TNRC6A: variants seen among roughly 807,000 people sequenced by gnomAD.
The protein encoded by TNRC6A is trinucleotide repeat-containing gene 6A protein.
Under a neutral mutation model 221.2 loss-of-function variants are expected in TNRC6A, and 44 were observed. The ratio of observed to expected loss-of-function variants is 0.20; its 90% confidence interval spans 0.16 to 0.26. The LOEUF is 0.26. Ranked by LOEUF, TNRC6A falls within the 10% of genes least tolerant of loss-of-function variation. The pLI is 1.00. For missense variants in TNRC6A, 2,199 were observed against 2,404.4 expected (o/e 0.91, Z 1.79); for synonymous variants, 847 against 838.5 (o/e 1.01, Z -0.18).
intron 2 of TNRC6A, among the ~76,000 whole-genome samples, chr16:24,733,862 G>A (rs917381481): frequency 6.6e-6 from 1 of 152,194 alleles, no homozygotes; most frequent in Non-Finnish European, 1.5e-5. Flanking sequence ...ATGGAGGCCT[G>A]AATTGAAGTG....
intron 2 of TNRC6A, among the ~76,000 whole-genome samples, chr16:24,671,794 G>A (rs1476058214): frequency 6.6e-6 from 1 of 152,160 alleles, no homozygotes; most frequent in African/African-American, 2.4e-5. Context: ...AGGATTGCTT[G>A]AGCCAAGGAC....
chr16:24,796,594 A>G (rs1409512585), intron 9 of TNRC6A, among the ~76,000 whole-genome samples: 1 of 152,318 alleles, frequency 6.6e-6, no homozygotes, highest in Admixed American at 6.5e-5. Flanking sequence ...ATGGGGATGG[A>G]TGGGGTGAAA....
chr16:24,728,403 C>T (rs1159177070), upstream of TNRC6A, among the ~76,000 whole-genome samples: 3 of 151,652 alleles, frequency 2.0e-5, no homozygotes, highest in East Asian at 1.9e-4. Flanking sequence ...ACGGAGATCG[C>T]GCCACTGCAC....
chr16:24,815,339 C>T, intron 19 of TNRC6A, 34 bp downstream of exon 19: 1 of 1,608,926 alleles, frequency 6.2e-7, no homozygotes, highest in Non-Finnish European at 8.5e-7. Flanking sequence ...TTTCATGAGA[C>T]TGTGTTTCCA....
intron 4 of TNRC6A, among the ~76,000 whole-genome samples, chr16:24,770,546 G>A (rs934585923): frequency 6.6e-6 from 1 of 152,168 alleles, no homozygotes; most frequent in African/African-American, 2.4e-5. Flanking sequence ...ATACAGGGGA[G>A]TAGGGAGAAA....
chr16:24,770,166 AGAAAT>A (rs1173538812), intron 4 of TNRC6A, among the ~76,000 whole-genome samples: 2 of 152,220 alleles, frequency 1.3e-5, no homozygotes, highest in Non-Finnish European at 2.9e-5. Flanking sequence ...TTTGAGCAAA[AGAAAT>A]AGCGTGAAAG....
At chr16:24,653,712 G>A (rs1211777076) in intron 2 of TNRC6A, among the ~76,000 whole-genome samples, 4 of 151,714 alleles carry the variant, frequency 2.6e-5, no homozygotes, top group Admixed American at 6.6e-5. Context: ...CCCAGGATGT[G>A]CAGGTTGCAG....
chr16:24,679,381 G>A (rs536930754), intron 2 of TNRC6A, among the ~76,000 whole-genome samples: 161 of 152,054 alleles, frequency 1.1e-3, no homozygotes, highest in African/African-American at 3.7e-3. Flanking sequence ...TTGGCTCAAG[G>A]CAGCCTCGAC....
chr16:24,730,194 G>A, intron 1 of TNRC6A, 59 bp from the exon 2 acceptor site: 2 of 1,501,848 alleles, frequency 1.3e-6, no homozygotes, highest in Admixed American at 2.1e-5. Context: ...GTTTTCACGC[G>A]CATCTCGTTT....
chr16:24,659,439 G>C (rs905558743), intron 2 of TNRC6A, among the ~76,000 whole-genome samples: 1 of 152,026 alleles, frequency 6.6e-6, no homozygotes, highest in Non-Finnish European at 1.5e-5. Flanking sequence ...CAAGTGGTGG[G>C]TGGTAGAATT....
intron 2 of TNRC6A, among the ~76,000 whole-genome samples, chr16:24,716,013 C>T (rs139250694): frequency 1.3e-3 from 193 of 152,182 alleles, no homozygotes; most frequent in African/African-American, 4.4e-3. Flanking sequence ...AATTCTCTAT[C>T]TGTGTGGTTC....
chr16:24,658,283 T>C (rs376549262), intron 2 of TNRC6A, among the ~76,000 whole-genome samples: 17 of 152,346 alleles, frequency 1.1e-4, no homozygotes, highest in African/African-American at 4.1e-4. Flanking sequence ...TCAAATTTCA[T>C]TGCACAGTTT....
At chr16:24,794,208 T>C (rs1214861278) in intron 7 of TNRC6A, among the ~76,000 whole-genome samples, 1 of 152,230 alleles carries the variant, frequency 6.6e-6, no homozygotes, top group Non-Finnish European at 1.5e-5. Flanking sequence ...ATTAATTCTT[T>C]CAAATTTCAT....
rs1443101544 is a variant in TNRC6A, at chr16:24,791,214, G to A, written c.2572G>A (p.Gly858Arg). The change falls in exon 6 of 25, where the codon GGA becomes AGA. Residue 858 changes from glycine (G) to arginine (R), a missense_variant. Transcript: ENST00000395799. ...GWSVSASDNW[G>R]ETSRNNHWGE... is the part of the protein sequence containing the mutation. ...GTCTGTTTCTGCCAGTGATAACTGG[G>A]GAGAAACTTCAAGGAATAACCATTG... 6 of 1,614,056 alleles carry A rather than the reference G, an allele frequency of 3.7e-6. No individual in the cohort carries two copies. The highest frequency in any genetic ancestry group is 1.1e-5 in the South Asian group (1 of 91,086).
Position 24,657,279 on chromosome 16 carries a change from C to T in TNRC6A, n.402+16270C>T, listed in dbSNP as rs1312703286. Among the ~76,000 whole-genome samples the T allele has an allele frequency of 2.2e-5, 3 of 135,454 alleles. No individual in the cohort carries two copies. The East Asian group carries it at 7.0e-4, about 32-fold the overall frequency. 88.9% of individuals were successfully genotyped at this position (135,454 alleles called of 152,430 possible). A position where few individuals can be genotyped will look rare whatever the true frequency, so the allele number is the denominator to read the frequency against. On this transcript the variant is annotated intron_variant and non_coding_transcript_variant, in intron 2 of 2. Coordinates refer to the TNRC6A transcript ENST00000566108. ...GCTACAGTGAGCAATGGTCACACCA[C>T]TGCACTACAGCCTGGGTAACAGAGT...
intron 2 of TNRC6A, among the ~76,000 whole-genome samples, chr16:24,659,917 G>A (rs1324551287): frequency 6.6e-6 from 1 of 151,776 alleles, no homozygotes; most frequent in Non-Finnish European, 1.5e-5. Flanking sequence ...CTACAAAGTC[G>A]GCCTTATTAA....
At chr16:24,793,717 T>C (rs2058160472) in intron 7 of TNRC6A, 68 bp downstream of exon 7, 3 of 1,221,626 alleles carry the variant, frequency 2.5e-6, no homozygotes, top group Non-Finnish European at 2.1e-6. Context: ...TATAATTAAA[T>C]AATTAGATAA....
At chr16:24,718,761 G>A (rs145559819) in intron 2 of TNRC6A, among the ~76,000 whole-genome samples, 6 of 152,252 alleles carry the variant, frequency 3.9e-5, no homozygotes, top group African/African-American at 1.2e-4. Flanking sequence ...AGCAGGCTGG[G>A]TGCAGTAGCT....
intron 2 of TNRC6A, among the ~76,000 whole-genome samples, chr16:24,744,363 C>T (rs1026004502): frequency 2.6e-5 from 4 of 152,078 alleles, no homozygotes; most frequent in African/African-American, 4.8e-5. Flanking sequence ...TTTGAGAGTA[C>T]GTAAATGTCT....
Sources: gnomAD v4.1 joint callset for allele counts (sites outside exome capture counted in the v4.1 genomes callset) on GRCh38, gnomAD v4.1.1 for gene constraint, MANE v1.5 for transcripts, NCBI Gene and HGNC (gene_info 2026-07-23, HGNC 2026-07-21) for gene names.